Variants in JAKMIP2 observed in about 807,000 individuals in gnomAD.
JAKMIP2 encodes janus kinase and microtubule-interacting protein 2.
Under a neutral mutation model 115.0 loss-of-function variants are expected in JAKMIP2, and 25 were observed. The ratio of observed to expected loss-of-function variants is 0.22; its 90% CI spans 0.16 to 0.30. The LOEUF is 0.30. Ranked by LOEUF, JAKMIP2 falls within the 10% of genes least tolerant of loss-of-function variation. The probability of loss-of-function intolerance (pLI) is 1.00; values close to 1 mark genes in which losing one functional copy is unlikely to be tolerated. For synonymous variants in JAKMIP2, 334 were observed against 343.6 expected (o/e 0.97, Z 0.31); for missense variants, 642 against 957.6 (o/e 0.67, Z 4.35).
intron 13 of JAKMIP2, 80 bp from the exon 14 acceptor site, chr5:147,631,591 T>C: frequency 3.5e-6 from 3 of 853,884 alleles, no homozygotes; most frequent in African/African-American, 1.7e-5. Context: ...CTCTTTATGC[T>C]ATTTCAGCAG....
intron 1 of JAKMIP2, among the ~76,000 whole-genome samples, chr5:147,775,131 A>AC (rs1377073608): frequency 6.6e-6 from 1 of 152,156 alleles, no homozygotes; most frequent in African/African-American, 2.4e-5. Flanking sequence ...AGCAGGTTAG[A>AC]CACCCGTAGA....
intron 2 of JAKMIP2, chr5:147,662,051 T>A (rs1348775747): frequency 6.6e-6 from 1 of 151,980 alleles, no homozygotes; most frequent in Non-Finnish European, 1.5e-5. Flanking sequence ...TTTCTTTTTT[T>A]TTTTTTGAAG....
intron 1 of JAKMIP2, among the ~76,000 whole-genome samples, chr5:147,714,311 GA>G (rs1216349430): frequency 6.6e-6 from 1 of 152,064 alleles, no homozygotes; most frequent in Non-Finnish European, 1.5e-5. Context: ...GAACAAAATA[GA>G]AGTTATAAAA....
intron 2 of JAKMIP2, among the ~76,000 whole-genome samples, chr5:147,669,691 G>C (rs780034153): frequency 6.6e-6 from 1 of 152,182 alleles, no homozygotes; most frequent in Non-Finnish European, 1.5e-5. Context: ...GAAGTGTGAT[G>C]TTGCTGCAGG....
intron 20 of JAKMIP2, among the ~76,000 whole-genome samples, chr5:147,602,415 C>A (rs981926545): frequency 1.3e-5 from 2 of 152,144 alleles, no homozygotes; most frequent in African/African-American, 4.8e-5. Flanking sequence ...AAAACTGGGT[C>A]TGTCCTAGGC....
chr5:147,630,379 A>G (rs1416249701), intron 14 of JAKMIP2, among the ~76,000 whole-genome samples: 2 of 152,208 alleles, frequency 1.3e-5, no homozygotes, highest in African/African-American at 4.8e-5. Context: ...GAAAAAATGC[A>G]TCGAAGGAAA....
rs1468580713 is a variant in JAKMIP2 at position 147,644,934 on chromosome 5, G to C, written c.999C>G (p.Leu333=). 3 of 1,613,654 alleles carry C rather than the reference G, an allele frequency of 1.9e-6. No homozygotes were observed. Among genetic ancestry groups the C allele is most frequent in the Non-Finnish European group, 2.5e-6 (3 of 1,179,672 alleles). The change falls in exon 6 of 22, where the codon CTC becomes CTG. Residue 333 remains leucine (L), a synonymous_variant. Transcript: ENST00000616793. ...CKPLLERNKC[L]AKRNDELMVS... ...CCATCAGTTCATCGTTTCTCTTGGC[G>C]AGGCACTTGTTCCTTTCCAGGAGAG...
chr5:147,736,854 A>G (rs1753943462), intron 1 of JAKMIP2, among the ~76,000 whole-genome samples: 1 of 152,158 alleles, frequency 6.6e-6, no homozygotes, highest in Non-Finnish European at 1.5e-5. Flanking sequence ...ATTAGGGAAG[A>G]AGAGAGAGGT....
intron 1 of JAKMIP2, among the ~76,000 whole-genome samples, chr5:147,736,241 A>C (rs1753916981): frequency 6.6e-6 from 1 of 151,946 alleles, no homozygotes; most frequent in South Asian, 2.1e-4. Context: ...GGATCACTTG[A>C]GATCAGGAGG....
chr5:147,675,582 A>G (rs76175559), intron 1 of JAKMIP2, among the ~76,000 whole-genome samples: 4,410 of 152,166 alleles, frequency 0.029, 237 homozygotes, highest in African/African-American at 0.1. Flanking sequence ...ACAAGGTTGC[A>G]TAAACAGCAT....
At chr5:147,764,692 C>A (rs1013475669) in intron 1 of JAKMIP2, among the ~76,000 whole-genome samples, 1 of 151,640 alleles carries the variant, frequency 6.6e-6, no homozygotes, top group Non-Finnish European at 1.5e-5. Flanking sequence ...TCAAGACCAT[C>A]CTAGCCAACA....
intron 1 of JAKMIP2, among the ~76,000 whole-genome samples, chr5:147,690,986 G>A (rs888194831): frequency 7.9e-5 from 12 of 152,016 alleles, no homozygotes; most frequent in African/African-American, 2.9e-4. Context: ...GCTCTATTCT[G>A]GTCTCCTTTT....
chr5:147,668,584 A>C (rs1444955479), intron 2 of JAKMIP2, among the ~76,000 whole-genome samples: 1 of 152,210 alleles, frequency 6.6e-6, no homozygotes, highest in African/African-American at 2.4e-5. Context: ...CACCTCCTAC[A>C]GGCCAGGAAG....
intron 21 of JAKMIP2, among the ~76,000 whole-genome samples, chr5:147,601,436 A>G (rs1470041947): frequency 1.3e-5 from 2 of 151,976 alleles, no homozygotes; most frequent in African/African-American, 2.4e-5. Flanking sequence ...ACTAAAAATA[A>G]TAATAAAAAA....
At chr5:147,596,891 G>C (rs567889381) in intron 21 of JAKMIP2, among the ~76,000 whole-genome samples, 18 of 151,980 alleles carry the variant, frequency 1.2e-4, no homozygotes, top group Middle Eastern at 3.4e-3. Flanking sequence ...TTTGGTGGGG[G>C]GATGGAGTCT....
In JAKMIP2 at chr5:147,588,663, A is replaced by G. The variant is rs910968587; in HGVS notation, c.*3044T>C. On this transcript the variant is annotated 3_prime_UTR_variant, in exon 22 of 22. Coordinates refer to ENST00000616793, the MANE Select transcript of JAKMIP2 (RefSeq NM_001270941.2). The stretch of plus-strand genomic sequence containing the variant: ...TACAGTTCAGTCTATAGTCTTGAGA[A>G]ATTTGCTAATCTCCCAGATCTTAAG... 2.0e-5 allele frequency: 3 copies of G among 152,160 alleles called. No individual in the cohort carries two copies. The highest frequency in any genetic ancestry group is 2.9e-5 in the Non-Finnish European group (2 of 68,020). 9.4% of individuals were successfully genotyped at this position (152,160 alleles called of 1,614,324 possible).
intron 1 of JAKMIP2, among the ~76,000 whole-genome samples, chr5:147,695,752 C>G (rs1173092604): frequency 1.5e-4 from 22 of 151,512 alleles, no homozygotes. Context: ...TTTTCCCCCT[C>G]ATTTATACTA....
chr5:147,782,185 G>GA (rs1329212268), intron 1 of JAKMIP2, among the ~76,000 whole-genome samples: 1 of 151,740 alleles, frequency 6.6e-6, no homozygotes, highest in Non-Finnish European at 1.5e-5. Context: ...CTAAGCTTAG[G>GA]AAAAAAGGCA....
chr5:147,776,379 G>A (rs1457707250), intron 1 of JAKMIP2, among the ~76,000 whole-genome samples: 3 of 152,108 alleles, frequency 2.0e-5, no homozygotes, highest in Non-Finnish European at 4.4e-5. Context: ...CCTTCACTCA[G>A]CTCTCATTCT....
Sources: allele counts gnomAD v4.1 joint callset (sites outside exome capture counted in the v4.1 genomes callset), GRCh38; gene constraint gnomAD v4.1.1; transcripts MANE v1.5; gene names NCBI Gene and HGNC (gene_info 2026-07-23, HGNC 2026-07-21).